SQSTM1: variants seen among roughly 807,000 people sequenced by gnomAD.
The protein encoded by SQSTM1 is sequestosome 1.
A neutral mutation model predicts 45.1 loss-of-function variants in SQSTM1; 36 were observed. That is an observed-to-expected ratio of 0.80 (90% confidence interval 0.61 to 1.05). The LOEUF is 1.05. Ranked by LOEUF, SQSTM1 falls within the 50% of genes least tolerant of loss-of-function variation. SQSTM1 has a pLI of 0.00. For missense variants in SQSTM1, 617 were observed against 607.1 expected, an observed-to-expected ratio of 1.02 and a Z score of -0.17; for synonymous variants, 290 against 244.3, an observed-to-expected ratio of 1.19 and a Z score of -1.74.
Position 179,837,268 on chromosome 5 carries a change from G to C in SQSTM1, c.*675G>C. On this transcript the variant is annotated 3_prime_UTR_variant, in exon 8 of 8. Transcript: ENST00000389805. ...CACTTTAACCAATGACGTTTGCATA[G>C]AGAGAAATGATTGACAGTAAGTTTA... is the stretch of plus-strand genomic sequence containing the variant. 6.2e-7 allele frequency: 1 copy of C among 1,605,686 alleles called. No homozygotes were observed. Among genetic ancestry groups the C allele is most frequent in the Non-Finnish European group, 8.5e-7 (1 of 1,178,962 alleles).
At chr5:179,826,369 G>A (rs1269572804) in intron 5 of SQSTM1, among the ~76,000 whole-genome samples, 3 of 152,000 alleles carry the variant, frequency 2.0e-5, no homozygotes, top group African/African-American at 7.2e-5. Flanking sequence ...GTTTCGCCAC[G>A]TTGGCCAGGC....
At chr5:179,807,661 G>A (rs1327721389) in intron 1 of SQSTM1, 2 of 150,596 alleles carry the variant, frequency 1.3e-5, no homozygotes, top group African/African-American at 4.9e-5. Context: ...TTTTTTGTTT[G>A]TTTGTTTTTG....
chr5:179,816,774 T>C (rs776768359), upstream of SQSTM1, among the ~76,000 whole-genome samples: 14 of 124,078 alleles, frequency 1.1e-4, no homozygotes, highest in Admixed American at 5.8e-4. Flanking sequence ...CCAGCCCCCC[T>C]CCCTACTCCT....
chr5:179,831,449 G>C (rs1758213412), intron 5 of SQSTM1, among the ~76,000 whole-genome samples: 1 of 152,178 alleles, frequency 6.6e-6, no homozygotes, highest in Non-Finnish European at 1.5e-5. Flanking sequence ...ATCACCTGAG[G>C]TCAGGAGTTC....
rs1757913293 is a variant in SQSTM1 at position 179,824,297 on chromosome 5, C to T, written c.647C>T (p.Ala216Val). Residue 216 changes from alanine to valine, a missense_variant, in exon 4 of 8, where the codon GCC becomes GTC. Physicochemically the swap from Ala to Val is moderately conservative, Grantham distance 64 (BLOSUM62 0). Coordinates refer to ENST00000389805, the MANE Select transcript of SQSTM1 (RefSeq NM_003900.5). ...CCACGTCCTCCTCGTGCAGGGGAGG[C>T]CCGCCCTGGCCCCACGGCAGAATCA... ...WSPRPPRAGE[A>V]RPGPTAESAS... is the part of the protein sequence containing the mutation. 6.2e-7 allele frequency: 1 copy of T among 1,613,562 alleles called. No individual in the cohort carries two copies. The highest frequency in any genetic ancestry group is 1.1e-5 in the South Asian group (1 of 91,084).
In SQSTM1 at chr5:179,836,572, A is replaced by G. The variant is rs1758567665; in HGVS notation, c.1302A>G (p.Ser434=). ...CGGCTCTGGACACCATCCAGTATTC[A>G]AAGCATCCCCCGCCGTTGTGACCAC... is the stretch of plus-strand genomic sequence containing the variant. ...IGAALDTIQY[S]KHPPPL The change falls in exon 8 of 8, where the codon TCA becomes TCG. Residue 434 remains serine (S), a synonymous_variant. Transcript: ENST00000389805. 1 of 1,614,096 alleles carries G rather than the reference A, an allele frequency of 6.2e-7. No homozygotes were observed. Among genetic ancestry groups the G allele is most frequent in the Admixed American group, 1.7e-5 (1 of 60,010 alleles).
intron 7 of SQSTM1, chr5:179,835,082 C>T (rs536931961): frequency 7.5e-5 from 16 of 212,118 alleles, no homozygotes; most frequent in Non-Finnish European, 1.2e-4. Context: ...CCTCACCTCC[C>T]GGATGGGGTC....
At chr5:179,831,245 G>C (rs1026756236) in intron 5 of SQSTM1, among the ~76,000 whole-genome samples, 1 of 152,242 alleles carries the variant, frequency 6.6e-6, no homozygotes, top group Non-Finnish European at 1.5e-5. Context: ...TGGAACAGGA[G>C]GCTGCACAGC....
rs781035932 is a variant in SQSTM1 at position 179,837,691 on chromosome 5, A to G, written c.*1098A>G. The G allele has an allele frequency of 3.7e-6, 6 of 1,614,192 alleles. No individual in the cohort carries two copies. Among genetic ancestry groups the G allele is most frequent in the Non-Finnish European group, 5.1e-6 (6 of 1,180,032 alleles). Reference sequence around the variant, plus strand: ...CCCTCTGAAGAGACCTTGGCTGCTCACTGTCCACATGTGAACTTTTTCTAG... The same window carrying G: ...CCCTCTGAAGAGACCTTGGCTGCTCGCTGTCCACATGTGAACTTTTTCTAG... On this transcript the variant is annotated 3_prime_UTR_variant, in exon 8 of 8. Transcript: ENST00000389805.
Position 179,821,031 on chromosome 5 carries a change from A to G in SQSTM1, c.95A>G (p.Glu32Gly). 1.3e-6 allele frequency: 2 copies of G among 1,557,350 alleles called. No homozygotes were observed. Among genetic ancestry groups the G allele is most frequent in the Non-Finnish European group, 1.7e-6 (2 of 1,161,422 alleles). Residue 32 changes from glutamate (E) to glycine (G), a missense_variant, in exon 1 of 8, where the codon GAG becomes GGG. Glu to Gly is a moderately conservative substitution (Grantham distance 98, BLOSUM62 -2). Transcript: ENST00000389805. The part of the protein sequence containing the change: ...RFSFCCSPEP[E>G]AEAEAAAGPG... ...AGCTTCTGCTGCAGCCCCGAGCCTG[A>G]GGCGGAAGCCGAGGCTGCGGCGGGT... is the stretch of plus-strand genomic sequence containing the variant.
chr5:179,822,786 G>T, intron 1 of SQSTM1, 172 bp from the exon 2 acceptor site: 2 of 692,286 alleles, frequency 2.9e-6, no homozygotes, highest in Non-Finnish European at 5.3e-6. Context: ...TCCAGGAGGT[G>T]CCAGAGCAAG....
At chr5:179,832,195 A>G (rs1392942804) in intron 5 of SQSTM1, among the ~76,000 whole-genome samples, 1 of 152,234 alleles carries the variant, frequency 6.6e-6, no homozygotes, top group East Asian at 1.9e-4. Flanking sequence ...AGCAGGCAAG[A>G]GCAGCGTGAG....
At chr5:179,834,632 C>T (rs954463100) in intron 7 of SQSTM1, among the ~76,000 whole-genome samples, 2 of 151,916 alleles carry the variant, frequency 1.3e-5, no homozygotes, top group African/African-American at 4.8e-5. Flanking sequence ...AGCATGCTGC[C>T]TTCAAGCATC....
chr5:179,811,429 T>G (rs1757398734), intron 1 of SQSTM1: 2 of 148,124 alleles, frequency 1.4e-5, no homozygotes, highest in African/African-American at 2.5e-5. Context: ...GGGAGGAGCT[T>G]GGTCTCATGT....
At chr5:179,813,499 A>G (rs36086003) in intron 2 of SQSTM1, 21,887 of 152,150 alleles carry the variant, frequency 0.14, 1,787 homozygotes, top group Admixed American at 0.21. Context: ...GTGGAGGCTG[A>G]GGTTGTATTT....
chr5:179,815,970 C>T (rs1023563278), upstream of SQSTM1, among the ~76,000 whole-genome samples: 2 of 152,004 alleles, frequency 1.3e-5, no homozygotes, highest in Admixed American at 6.5e-5. Context: ...CACAGGGACT[C>T]GCAGGGAGGT....
rs573795077 is a variant in SQSTM1 at position 179,836,287 on chromosome 5, G to A, written c.1166-149G>A. On this transcript the variant is annotated intron_variant, in intron 7 of 7. Coordinates refer to ENST00000389805, the MANE Select transcript of SQSTM1 (RefSeq NM_003900.5). ...GCTTGGCCCTTTACAGGGAAAGCAG[G>A]TCCACTGTGGCCTGTGAGGACGAGA... The A allele has an allele frequency of 1.4e-5, 14 of 1,007,530 alleles. No individual in the cohort carries two copies. In the East Asian group the frequency reaches 3.1e-4, roughly 22 times the overall value. The allele number at this position is 1,007,530 out of a possible 1,614,324, so 62.4% of individuals were successfully genotyped here.
intron 2 of SQSTM1, chr5:179,813,360 G>T (rs905344940): frequency 6.6e-6 from 1 of 152,274 alleles, no homozygotes; most frequent in African/African-American, 2.4e-5. Flanking sequence ...ATGAGTACCA[G>T]GAAAGCTGGC....
In SQSTM1 at chr5:179,820,926, C is replaced by G; in HGVS notation, c.-11C>G. On this transcript the variant is annotated 5_prime_UTR_variant, in exon 1 of 8. Coordinates refer to ENST00000389805, the MANE Select transcript of SQSTM1 (RefSeq NM_003900.5). Reference sequence around the variant, plus strand: ...CGGGACGGCCCGTTTTCCGCCAGCTCGCCGCTCGCTATGGCGTCGCTCACC... The same window carrying G: ...CGGGACGGCCCGTTTTCCGCCAGCTGGCCGCTCGCTATGGCGTCGCTCACC... 3 of 1,527,944 alleles carry G rather than the reference C, an allele frequency of 2.0e-6. No individual in the cohort carries two copies. The highest frequency in any genetic ancestry group is 2.6e-6 in the Non-Finnish European group (3 of 1,139,480). The allele number at this position is 1,527,944 out of a possible 1,614,324, so 94.6% of individuals were successfully genotyped here.
Sources: gnomAD v4.1 joint callset for allele counts (sites outside exome capture counted in the v4.1 genomes callset) on GRCh38, gnomAD v4.1.1 for gene constraint, MANE v1.5 for transcripts, NCBI Gene and HGNC (gene_info 2026-07-23, HGNC 2026-07-21) for gene names.